FCGR2A: variants seen among roughly 807,000 people sequenced by gnomAD.
FCGR2A encodes the protein Fc gamma receptor IIa.
Under a neutral mutation model 29.3 loss-of-function variants are expected in FCGR2A, and 18 were observed. The observed-to-expected ratio is 0.62, with a 90% confidence interval of 0.43 to 0.91. FCGR2A has a LOEUF of 0.91. Among genes scored for constraint, FCGR2A ranks in the 40% least tolerant of loss-of-function variants. FCGR2A has a pLI of 0.00. For synonymous variants in FCGR2A, 126 were observed against 144.8 expected, an observed-to-expected ratio of 0.87 and a Z score of 0.93; for missense variants, 287 against 393.0, an observed-to-expected ratio of 0.73 and a Z score of 2.28.
intron 3 of FCGR2A, among the ~76,000 whole-genome samples, chr1:161,508,186 T>G (rs1418944682): frequency 6.6e-6 from 1 of 151,960 alleles, no homozygotes; most frequent in Non-Finnish European, 1.5e-5. Flanking sequence ...TGCAACTGAT[T>G]AGACCCAAGA....
In FCGR2A at chr1:161,505,952, T is replaced by C. The variant is rs1427459441; in HGVS notation, c.86-35T>C. ...AGCTAAATTTGAAGCCGTGTTCTCC[T>C]GCTCGACGTTGATCCACTCTCTTCT... On this transcript the variant is annotated intron_variant, in intron 1 of 6. Transcript: ENST00000271450. 9 of 1,613,166 alleles carry C rather than the reference T, an allele frequency of 5.6e-6. No homozygotes were observed. The East Asian group carries it at 1.6e-4, about 28-fold the overall frequency.
Position 161,506,542 on chromosome 1 carries a change from G to A in FCGR2A, c.315G>A (p.Gln105=). Residue 105 remains glutamine (Q), a synonymous_variant, in exon 3 of 7, where the codon CAG becomes CAA. Transcript: ENST00000271450. ...ATGACAGCGGGGAGTACACGTGCCA[G>A]ACTGGCCAGACCAGCCTCAGCGACC... is the stretch of plus-strand genomic sequence containing the variant. ...NNNDSGEYTC[Q]TGQTSLSDPV... 2 of 1,614,198 alleles carry A rather than the reference G, an allele frequency of 1.2e-6. No individual in the cohort carries two copies. Among genetic ancestry groups the A allele is most frequent in the East Asian group, 4.5e-5 (2 of 44,882 alleles).
At chr1:161,508,161 C>T (rs1675540493) in intron 3 of FCGR2A, among the ~76,000 whole-genome samples, 1 of 151,470 alleles carries the variant, frequency 6.6e-6, no homozygotes, top group African/African-American at 2.4e-5. Context: ...CCCACCTATC[C>T]ATTGTACAAA....
intron 3 of FCGR2A, among the ~76,000 whole-genome samples, chr1:161,508,205 G>A (rs1305504990): frequency 3.3e-5 from 5 of 151,730 alleles, no homozygotes; most frequent in Non-Finnish European, 7.4e-5. Context: ...GAGCTCAGCA[G>A]TTAATGGCAC....
At chr1:161,523,123 C>T (rs1676518300), downstream of FCGR2A, 1 of 152,174 alleles carries the variant, frequency 6.6e-6, no homozygotes, top group South Asian at 2.1e-4. Flanking sequence ...TACTCTCCAG[C>T]TGCCAGCTAT....
chr1:161,512,196 G>A (rs1367415984), intron 5 of FCGR2A, among the ~76,000 whole-genome samples: 9 of 149,890 alleles, frequency 6.0e-5, no homozygotes, highest in African/African-American at 1.5e-4. Flanking sequence ...CCAATCGGAC[G>A]TGGGAGGCAG....
downstream of FCGR2A, among the ~76,000 whole-genome samples, chr1:161,521,503 A>ATATC (rs1676448421): frequency 6.6e-6 from 1 of 151,350 alleles, no homozygotes; most frequent in East Asian, 1.9e-4. Flanking sequence ...ACTGACTTTT[A>ATATC]TATATATATA....
downstream of FCGR2A, among the ~76,000 whole-genome samples, chr1:161,522,127 C>T (rs1216017160): frequency 2.0e-5 from 3 of 151,934 alleles, no homozygotes; most frequent in Non-Finnish European, 4.4e-5. Context: ...ATTGAGGCCA[C>T]GAGTTCAAGG....
At chr1:161,512,704 G>C (rs951097095) in intron 5 of FCGR2A, among the ~76,000 whole-genome samples, 9 of 152,218 alleles carry the variant, frequency 5.9e-5, no homozygotes, top group East Asian at 5.8e-4. Context: ...GTCAAAGACC[G>C]CACCTCAGAT....
At chr1:161,505,601 C>A in intron 1 of FCGR2A, 49 bp downstream of exon 1, 1 of 1,428,550 alleles carries the variant, frequency 7.0e-7, no homozygotes, top group Non-Finnish European at 9.9e-7. Flanking sequence ...ACTCCTACTG[C>A]CTGGACTCCA....
downstream of FCGR2A, among the ~76,000 whole-genome samples, chr1:161,521,561 G>A (rs515670): frequency 1.2e-4 from 19 of 152,168 alleles, no homozygotes; most frequent in Middle Eastern, 3.4e-3. Flanking sequence ...TGGTTTGGCT[G>A]TGTCCCCACC....
At chr1:161,509,464 A>G (rs2102465335) in intron 3 of FCGR2A, among the ~76,000 whole-genome samples, 1 of 152,194 alleles carries the variant, frequency 6.6e-6, no homozygotes, top group South Asian at 2.1e-4. Flanking sequence ...AAAATTTACC[A>G]TTAAATTAGT....
chr1:161,508,086 CA>C (rs61414204), intron 3 of FCGR2A, among the ~76,000 whole-genome samples: 11,010 of 67,732 alleles, frequency 0.16, 348 homozygotes, highest in East Asian at 0.42. Context: ...AACTCTGTCT[CA>C]AAAAAAAAAA....
chr1:161,522,575 T>C (rs960247335), downstream of FCGR2A, among the ~76,000 whole-genome samples: 3 of 152,034 alleles, frequency 2.0e-5, no homozygotes, highest in Non-Finnish European at 4.4e-5. Flanking sequence ...TGAAGACCCG[T>C]CTCTTGCAGG....
chr1:161,517,898 T>G, intron 6 of FCGR2A, 77 bp from the exon 7 acceptor site: 1 of 833,186 alleles, frequency 1.2e-6, no homozygotes, highest in Non-Finnish European at 1.9e-6. Context: ...TCCTTGGCTA[T>G]TATTCTCCTT....
In FCGR2A at chr1:161,506,610, C is replaced by A; in HGVS notation, c.364+19C>A. 1 of 1,613,646 alleles carries A rather than the reference C, an allele frequency of 6.2e-7. No homozygotes were observed. The highest frequency in any genetic ancestry group is 8.5e-7 in the Non-Finnish European group (1 of 1,179,572). On this transcript the variant is annotated intron_variant, in intron 3 of 6. Coordinates refer to ENST00000271450, the MANE Select transcript of FCGR2A (RefSeq NM_001136219.3). ...CTTTCCGGTCAGTGGAGGAAGGCCC[C>A]AGGGTGGACCTGGGAGGGCCAGGAC...
rs369586124 is a variant in FCGR2A, at chr1:161,517,445, A to T, written c.781-530A>T. On this transcript the variant is annotated intron_variant, in intron 6 of 6. Coordinates refer to ENST00000271450, the MANE Select transcript of FCGR2A (RefSeq NM_001136219.3). ...AGGTCTGAAGAAAGCAGAAACAAAG[A>T]ATTTAAAGTGGATTGGCTATTTTAA... is the stretch of plus-strand genomic sequence containing the variant. Among the ~76,000 whole-genome samples, 9 of 152,262 alleles carry T rather than the reference A, an allele frequency of 5.9e-5. No individual in the cohort carries two copies. In the South Asian group the frequency reaches 1.9e-3, roughly 32 times the overall value.
intron 5 of FCGR2A, among the ~76,000 whole-genome samples, chr1:161,512,797 G>A: frequency 6.6e-6 from 1 of 152,210 alleles, no homozygotes; most frequent in Non-Finnish European, 1.5e-5. Context: ...TTGCAGCAAG[G>A]TTGCACGTCC....
chr1:161,522,590 T>G (rs187426596), downstream of FCGR2A, among the ~76,000 whole-genome samples: 2 of 152,230 alleles, frequency 1.3e-5, no homozygotes, highest in Non-Finnish European at 2.9e-5. Flanking sequence ...TGCAGGCCGT[T>G]GGCAAATGTC....
Sources: allele counts gnomAD v4.1 joint callset (sites outside exome capture counted in the v4.1 genomes callset), GRCh38; gene constraint gnomAD v4.1.1; transcripts MANE v1.5; gene names NCBI Gene and HGNC (gene_info 2026-07-23, HGNC 2026-07-21).